The following USP9Y variants were observed in gnomAD, a reference collection of about 807,000 sequenced individuals.
The protein encoded by USP9Y is ubiquitin carboxyl-terminal hydrolase 9Y.
In USP9Y, 41 loss-of-function variants were observed where a neutral mutation model predicts 53.1. That is an observed-to-expected ratio of 0.77 (90% CI 0.60 to 1.00). The LOEUF is 1.00. Among genes scored for constraint, USP9Y ranks in the 50% least tolerant of loss-of-function variants. USP9Y has a pLI of 0.00. For missense variants in USP9Y, 567 were observed against 535.8 expected (o/e 1.06, Z -0.58); for synonymous variants, 220 against 173.7 (o/e 1.27, Z -2.09).
chrY:12,804,043 C>T lies in USP9Y; in HGVS notation c.3984-6136C>T, dbSNP rs1023108876. Among the ~76,000 whole-genome samples the T allele has an allele frequency of 2.1e-4, 7 of 33,431 alleles. No individual in the cohort carries two copies. The South Asian group carries it at 4.9e-3, about 24-fold the overall frequency. The allele number at this position is 33,431 out of a possible 37,273, so 89.7% of individuals were successfully genotyped here. A position where few individuals can be genotyped will look rare whatever the true frequency, so the allele number is the denominator to read the frequency against. On this transcript the variant is annotated intron_variant, in intron 27 of 45. Coordinates refer to ENST00000338981, the MANE Select transcript of USP9Y (RefSeq NM_004654.4). ...ACACTTACTCCCTGGTGGGCCAGCT[C>T]GGGCTTGGGGCCATGGTCCCATGAT...
Position 12,736,255 on chromosome Y carries a change from A to G in USP9Y, c.1025+6A>G. ...AGGTTAAAGATGATACTCAGGTAAG[A>G]TATTTTCCACCTTAAATTATTTGTG... On this transcript the variant is annotated splice_donor_region_variant and intron_variant, in intron 9 of 45. Coordinates refer to ENST00000338981, the MANE Select transcript of USP9Y (RefSeq NM_004654.4). 1 of 379,526 alleles carries G rather than the reference A, an allele frequency of 2.6e-6. No individual in the cohort carries two copies. The highest frequency in any genetic ancestry group is 7.9e-5 in the Admixed American group (1 of 12,659). 94.7% of individuals were successfully genotyped at this position (379,526 alleles called of 400,897 possible).
intron 5 of USP9Y, among the ~76,000 whole-genome samples, chrY:12,722,986 C>T: frequency 3.1e-5 from 1 of 32,321 alleles, no homozygotes; most frequent in Non-Finnish European, 7.5e-5. Context: ...CTAGCCTCAG[C>T]CCCCCAAGTA....
At chrY:12,798,325 A>G in intron 27 of USP9Y, among the ~76,000 whole-genome samples, 1 of 32,970 alleles carries the variant, frequency 3.0e-5, no homozygotes, top group Non-Finnish European at 7.4e-5. Context: ...CATGAAGGTA[A>G]TTTTGTGTAT....
At chrY:12,754,128 G>A (rs2053466275) in intron 12 of USP9Y, among the ~76,000 whole-genome samples, 1 of 28,749 alleles carries the variant, frequency 3.5e-5, no homozygotes. Context: ...TTATGTATAT[G>A]TATATATATA....
chrY:12,754,318 C>T, intron 12 of USP9Y, among the ~76,000 whole-genome samples: 1 of 30,660 alleles, frequency 3.3e-5, no homozygotes, highest in Non-Finnish European at 7.7e-5. Flanking sequence ...TCTCAGCCTC[C>T]CAGGTTCAAG....
rs1209673782 is a variant in USP9Y, at chrY:12,816,187, T to C, written c.4673T>C (p.Phe1558Ser). 7.5e-6 allele frequency: 3 copies of C among 398,882 alleles called. No individual in the cohort carries two copies. The highest frequency in any genetic ancestry group is 1.1e-5 in the Non-Finnish European group (3 of 283,617). The change falls in exon 32 of 46, where the codon TTT becomes TCT. Residue 1558 changes from phenylalanine to serine, a missense_variant. Transcript: ENST00000338981. ...PPVGPRPPKG[F>S]VGLKNAGATC... ...GTTGGACCCCGCCCACCAAAAGGAT[T>C]TGTGGGACTCAAAAATGCTGGTGCT... is the stretch of plus-strand genomic sequence containing the variant.
At chrY:12,821,507 A>C in intron 33 of USP9Y, among the ~76,000 whole-genome samples, 1 of 32,679 alleles carries the variant, frequency 3.1e-5, no homozygotes, top group Non-Finnish European at 7.5e-5. Context: ...GTGTGGATCC[A>C]TGTTTCATTT....
intron 33 of USP9Y, among the ~76,000 whole-genome samples, chrY:12,823,886 G>T: frequency 3.1e-5 from 1 of 32,313 alleles, no homozygotes; most frequent in African/African-American, 1.2e-4. Context: ...ATTCTCATGA[G>T]AAAGGAAACT....
At chrY:12,849,086 A>G (rs2053569709) in intron 42 of USP9Y, among the ~76,000 whole-genome samples, 1 of 33,721 alleles carries the variant, frequency 3.0e-5, no homozygotes, top group South Asian at 6.7e-4. Flanking sequence ...CTTCCTATCC[A>G]TGAGCATGGA....
At chrY:12,816,419 C>T in intron 32 of USP9Y, 75 bp downstream of exon 32, 5 of 265,234 alleles carry the variant, frequency 1.9e-5, no homozygotes, top group South Asian at 1.8e-4. Context: ...ACTATACTTT[C>T]ATGGGATGTT....
chrY:12,798,982 C>T, intron 27 of USP9Y, among the ~76,000 whole-genome samples: 1 of 29,373 alleles, frequency 3.4e-5, no homozygotes, highest in African/African-American at 1.4e-4. Context: ...AATTCTGCCT[C>T]AGCCTCCTGA....
At chrY:12,796,861 T>G in intron 27 of USP9Y, among the ~76,000 whole-genome samples, 1 of 33,354 alleles carries the variant, frequency 3.0e-5, no homozygotes, top group Admixed American at 2.7e-4. Flanking sequence ...GCTTTCTTAC[T>G]GCAACCTGTT....
At chrY:12,808,746 T>G in intron 27 of USP9Y, among the ~76,000 whole-genome samples, 1 of 33,848 alleles carries the variant, frequency 3.0e-5, no homozygotes, top group East Asian at 7.6e-4. Flanking sequence ...AACCTCCTAA[T>G]TTGGGTTCCT....
At chrY:12,800,902 T>A in intron 27 of USP9Y, among the ~76,000 whole-genome samples, 2 of 34,127 alleles carry the variant, frequency 5.9e-5, no homozygotes. Flanking sequence ...TTTCTTCTCC[T>A]TTTCAAGGCA....
At chrY:12,753,290 G>A (rs2053465650) in intron 12 of USP9Y, among the ~76,000 whole-genome samples, 1 of 33,631 alleles carries the variant, frequency 3.0e-5, no homozygotes, top group African/African-American at 1.2e-4. Flanking sequence ...CTTTTAATGT[G>A]GTGGATTACA....
intron 7 of USP9Y, among the ~76,000 whole-genome samples, chrY:12,728,584 G>A (rs1034533668): frequency 6.1e-5 from 2 of 32,762 alleles, no homozygotes; most frequent in South Asian, 6.8e-4. Context: ...TCATGGTTGC[G>A]TCTTGGGTAG....
At chrY:12,784,812 A>G in intron 22 of USP9Y, among the ~76,000 whole-genome samples, 1 of 32,933 alleles carries the variant, frequency 3.0e-5, no homozygotes, top group Admixed American at 2.8e-4. Context: ...TTTTTACCTA[A>G]CTGTCTCAGT....
chrY:12,780,530 A>G, intron 22 of USP9Y, among the ~76,000 whole-genome samples: 12 of 33,227 alleles, frequency 3.6e-4, no homozygotes, highest in Admixed American at 2.8e-4. Context: ...TTGTTAAGAC[A>G]TTACTTTTCT....
intron 3 of USP9Y, among the ~76,000 whole-genome samples, chrY:12,719,259 A>G: frequency 3.0e-5 from 1 of 33,373 alleles, no homozygotes; most frequent in Admixed American, 2.7e-4. Flanking sequence ...TGAGGTGTTA[A>G]TTCTTGATGT....
Sources: allele counts gnomAD v4.1 joint callset (sites outside exome capture counted in the v4.1 genomes callset), GRCh38; gene constraint gnomAD v4.1.1; transcripts MANE v1.5; gene names NCBI Gene and HGNC (gene_info 2026-07-23, HGNC 2026-07-21).